PPFIBP1: variants seen among roughly 807,000 people sequenced by gnomAD.
PPFIBP1 encodes PPFIB scaffold protein 1, also known as liprin-beta-1.
A neutral mutation model predicts 137.8 loss-of-function variants in PPFIBP1; 112 were observed. That is an observed-to-expected ratio of 0.81 (90% CI 0.70 to 0.95). The LOEUF (loss-of-function observed/expected upper bound fraction) is 0.95. Ranked by LOEUF, PPFIBP1 falls within the 40% of genes least tolerant of loss-of-function variation. The pLI is 0.00. For synonymous variants in PPFIBP1, 378 were observed against 417.3 expected, an observed-to-expected ratio of 0.91 and a Z score of 1.15; for missense variants, 1,083 against 1,196.6, an observed-to-expected ratio of 0.91 and a Z score of 1.40.
At chr12:27,558,467 T>TACACACAC (rs10677887) in intron 1 of PPFIBP1, among the ~76,000 whole-genome samples, 1,894 of 129,236 alleles carry the variant, frequency 0.015, 63 homozygotes, top group Middle Eastern at 0.018. Flanking sequence ...CAGTATGTTA[T>TACACACAC]ACACACACAC....
chr12:27,592,614 G>T (rs1219159909), intron 2 of PPFIBP1: 1 of 1,595,376 alleles, frequency 6.3e-7, no homozygotes, highest in Non-Finnish European at 8.6e-7. Context: ...GCCTCAGCCA[G>T]CTGAAGGCCC....
intron 1 of PPFIBP1, among the ~76,000 whole-genome samples, chr12:27,559,637 C>T (rs781377487): frequency 1.4e-4 from 21 of 152,146 alleles, no homozygotes; most frequent in Admixed American, 3.3e-4. Flanking sequence ...GGGGAAAAAA[C>T]GCCAACCCAA....
chr12:27,675,816 T>A (rs1446640396), intron 17 of PPFIBP1, among the ~76,000 whole-genome samples: 1 of 152,232 alleles, frequency 6.6e-6, no homozygotes, highest in Admixed American at 6.5e-5. Flanking sequence ...GTGTTACAGC[T>A]GGCTCTAATT....
At position 27,564,905 on chromosome 12, in the gene PPFIBP1, T is replaced by G. The variant is rs561023430; in HGVS notation, c.-123-13247T>G. On this transcript the variant is annotated intron_variant, in intron 1 of 29. Coordinates refer to ENST00000228425, the MANE Select transcript of PPFIBP1 (RefSeq NM_003622.4). ...TGGTCCCCAGAACCCTTTGTCTTCC[T>G]GTCTTATGCCATGACTGCCCTGTGA... Among the ~76,000 whole-genome samples, 43 of 152,330 alleles carry G rather than the reference T, an allele frequency of 2.8e-4. No individual in the cohort carries two copies. The Middle Eastern group carries it at 0.02, about 72-fold the overall frequency.
chr12:27,653,008 A>G (rs2058969965), intron 7 of PPFIBP1, among the ~76,000 whole-genome samples: 1 of 152,206 alleles, frequency 6.6e-6, no homozygotes, highest in African/African-American at 2.4e-5. Context: ...TGCCATTATT[A>G]AGGTGTAATT....
rs183630776 is a variant in PPFIBP1, at chr12:27,600,641, T to C, written c.-36+22402T>C. Among the ~76,000 whole-genome samples, 40 of 152,268 alleles carry C rather than the reference T, an allele frequency of 2.6e-4. No homozygotes were observed. The East Asian group carries it at 7.5e-3, about 29-fold the overall frequency. The stretch of plus-strand genomic sequence containing the variant: ...TCTTTCCCTGCTTCCCTCCTGAGCA[T>C]TATTCTGAATTTGATGTTAATCTCG... On this transcript the variant is annotated intron_variant, in intron 2 of 29. Coordinates refer to ENST00000228425, the MANE Select transcript of PPFIBP1 (RefSeq NM_003622.4).
At chr12:27,678,856 C>CAAAAAAAAAAAAAAAAAAAAAAAAAAA (rs60834907) in intron 19 of PPFIBP1, among the ~76,000 whole-genome samples, 2 of 98,972 alleles carry the variant, frequency 2.0e-5, no homozygotes, top group African/African-American at 4.2e-5. Flanking sequence ...GACTCTGTCT[C>CAAAAAAAAAAAAAAAAAAAAAAAAAAA]AAAAAAAAAA....
At chr12:27,571,526 C>A (rs184900255) in intron 1 of PPFIBP1, among the ~76,000 whole-genome samples, 11 of 151,966 alleles carry the variant, frequency 7.2e-5, no homozygotes, top group African/African-American at 2.7e-4. Context: ...TGTAATCTGA[C>A]AATGAAAATG....
At chr12:27,542,510 GT>G (rs2136033672) in intron 1 of PPFIBP1, among the ~76,000 whole-genome samples, 1 of 152,348 alleles carries the variant, frequency 6.6e-6, no homozygotes, top group South Asian at 2.1e-4. Context: ...AAGATGCCTA[GT>G]GCAGCACCAC....
At chr12:27,585,534 A>C (rs945424111) in intron 2 of PPFIBP1, among the ~76,000 whole-genome samples, 2 of 152,228 alleles carry the variant, frequency 1.3e-5, no homozygotes, top group African/African-American at 4.8e-5. Flanking sequence ...TTTATCATGG[A>C]GCTACTGTGT....
Position 27,579,206 on chromosome 12 carries a change from C to T in PPFIBP1, c.-36+967C>T, listed in dbSNP as rs114001640. Among the ~76,000 whole-genome samples the T allele has an allele frequency of 2.7e-3, 407 of 152,320 alleles. 1 individual carries two copies. The highest frequency in any genetic ancestry group is 9.0e-3 in the African/African-American group (375 of 41,560). On this transcript the variant is annotated intron_variant, in intron 2 of 29. Transcript: ENST00000228425. ...GTCCTTTCAGGAATTTCCTCTGTGT[C>T]CATGAGCTATCTAAGGTCCATGGGA...
chr12:27,679,234 C>G (rs879584387), intron 19 of PPFIBP1, among the ~76,000 whole-genome samples: 9 of 152,110 alleles, frequency 5.9e-5, no homozygotes, highest in Non-Finnish European at 1.2e-4. Flanking sequence ...TGAAATCACT[C>G]AAGGAAAGAA....
At chr12:27,528,094 G>A (rs1005589096) in intron 1 of PPFIBP1, among the ~76,000 whole-genome samples, 35 of 152,072 alleles carry the variant, frequency 2.3e-4, no homozygotes, top group African/African-American at 8.0e-4. Context: ...GATTACAGGT[G>A]TATACCACAA....
intron 1 of PPFIBP1, among the ~76,000 whole-genome samples, chr12:27,559,629 G>A (rs1438358551): frequency 6.6e-6 from 1 of 152,044 alleles, no homozygotes; most frequent in Non-Finnish European, 1.5e-5. Flanking sequence ...TGGTTCAAGG[G>A]GAAAAAACGC....
At chr12:27,671,572 A>G (rs2060202251) in intron 14 of PPFIBP1, 26 bp downstream of exon 14, 1 of 1,392,472 alleles carries the variant, frequency 7.2e-7, no homozygotes. Context: ...ACAGTGCAAT[A>G]TAAATGTTCA....
chr12:27,525,432 G>T (rs1289863311), intron 1 of PPFIBP1, among the ~76,000 whole-genome samples: 1 of 150,036 alleles, frequency 6.7e-6, no homozygotes, highest in African/African-American at 2.5e-5. Context: ...TGACTTTCTC[G>T]AGGGGGCGGG....
At chr12:27,596,750 C>A (rs2053359529) in intron 2 of PPFIBP1, among the ~76,000 whole-genome samples, 1 of 152,160 alleles carries the variant, frequency 6.6e-6, no homozygotes, top group African/African-American at 2.4e-5. Context: ...TTATATGTGT[C>A]ATTTTTTAAT....
At chr12:27,551,958 A>G (rs1303906794) in intron 1 of PPFIBP1, among the ~76,000 whole-genome samples, 1 of 152,228 alleles carries the variant, frequency 6.6e-6, no homozygotes, top group Admixed American at 6.5e-5. Context: ...GCTGAGTAGC[A>G]GACTGCGTTC....
Position 27,677,108 on chromosome 12 carries a change from C to A in PPFIBP1, c.1615+12C>A, listed in dbSNP as rs763590286. The A allele has an allele frequency of 3.8e-5, 61 of 1,613,726 alleles. No individual in the cohort carries two copies. The East Asian group carries it at 1.0e-3, about 28-fold the overall frequency. ...TGCACCCACCCTAGGTATTGTACCC[C>A]TGCATGCCAGCCTTCACCAGCACTG... On this transcript the variant is annotated intron_variant, in intron 19 of 29. Transcript: ENST00000228425.
Sources: gnomAD v4.1 joint callset for allele counts (sites outside exome capture counted in the v4.1 genomes callset) on GRCh38, gnomAD v4.1.1 for gene constraint, MANE v1.5 for transcripts, NCBI Gene and HGNC (gene_info 2026-07-23, HGNC 2026-07-21) for gene names.